The following GABRR3 variants were observed in gnomAD, a reference collection of about 807,000 sequenced individuals.
GABRR3 encodes the protein gamma-aminobutyric acid type A receptor subunit rho3.
GABRR3 carries 29 observed loss-of-function variants against 43.2 expected under a neutral mutation model. The ratio of observed to expected loss-of-function variants is 0.67; its 90% confidence interval spans 0.50 to 0.92. GABRR3 has a LOEUF of 0.92. Ranked by LOEUF, GABRR3 falls within the 40% of genes least tolerant of loss-of-function variation. The pLI is 0.00. For synonymous variants in GABRR3, 206 were observed against 195.9 expected (o/e 1.05, Z -0.43); for missense variants, 576 against 572.3 (o/e 1.01, Z -0.07).
At position 98,017,738 on chromosome 3, in the gene GABRR3, T is replaced by C; in HGVS notation, c.239-16A>G. On this transcript the variant is annotated splice_polypyrimidine_tract_variant and intron_variant, in intron 3 of 9. Coordinates refer to ENST00000621172, the Ensembl canonical transcript of GABRR3. ...ACTGGAGACCCTTAAGAAAGAAGAA[T>C]GGTTAATATGCTGAGGAATGCATTA... 1.3e-6 allele frequency: 2 copies of C among 1,564,058 alleles called. No homozygotes were observed. The highest frequency in any genetic ancestry group is 1.8e-6 in the Non-Finnish European group (2 of 1,137,526).
rs1267442026 is a variant in GABRR3, at chr3:98,012,324, C to A, written c.530+20G>T. 3 of 1,594,624 alleles carry A rather than the reference C, an allele frequency of 1.9e-6. No homozygotes were observed. The East Asian group carries it at 6.7e-5, about 36-fold the overall frequency. On this transcript the variant is annotated intron_variant, in intron 5 of 9. Transcript: ENST00000621172. ...GGCTGCAGTACAGGGAAGCCAAAGG[C>A]GATAGGCAGCTTTCCTTACCTGAGA... is the stretch of plus-strand genomic sequence containing the variant.
intron 8 of GABRR3, among the ~76,000 whole-genome samples, chr3:97,993,488 C>T (rs1020449464): frequency 1.3e-5 from 2 of 152,006 alleles, no homozygotes; most frequent in African/African-American, 2.4e-5. Context: ...TTCATGCTTC[C>T]GGGGAGCTTA....
At chr3:98,033,829 T>C (rs1707120621) in intron 2 of GABRR3, among the ~76,000 whole-genome samples, 2 of 152,262 alleles carry the variant, frequency 1.3e-5, no homozygotes, top group Admixed American at 6.5e-5. Flanking sequence ...AGCAGAAGCA[T>C]GGAAGGGAAG....
rs979910544 is a variant in GABRR3, at chr3:98,014,986, A to G, written c.307-2419T>C. Among the ~76,000 whole-genome samples, 6 of 152,230 alleles carry G rather than the reference A, an allele frequency of 3.9e-5. No homozygotes were observed. The East Asian group carries it at 1.2e-3, about 29-fold the overall frequency. On this transcript the variant is annotated intron_variant, in intron 4 of 9. Transcript: ENST00000621172. Reference sequence around the variant, plus strand: ...TACAGTTTATGTATCAACAATACTTATTCTAAAGCATATATAAAAACAACT... The same window carrying G: ...TACAGTTTATGTATCAACAATACTTGTTCTAAAGCATATATAAAAACAACT...
intron 4 of GABRR3, among the ~76,000 whole-genome samples, chr3:98,015,616 C>A (rs1488454772): frequency 2.6e-5 from 4 of 152,080 alleles, no homozygotes; most frequent in African/African-American, 9.7e-5. Flanking sequence ...TAGTAGGTAC[C>A]AGTTAGGGCC....
chr3:98,016,965 C>A (rs894706970), intron 4 of GABRR3, among the ~76,000 whole-genome samples: 1 of 151,970 alleles, frequency 6.6e-6, no homozygotes, highest in Non-Finnish European at 1.5e-5. Flanking sequence ...AACAGAAAAG[C>A]AAGGCATGCA....
chr3:98,012,223 A>T, intron 5 of GABRR3, 121 bp downstream of exon 5: 1 of 701,498 alleles, frequency 1.4e-6, no homozygotes. Context: ...CTTGTGTCCC[A>T]ATCTCCAGCA....
At chr3:98,032,619 T>C (rs1418636388) in intron 2 of GABRR3, among the ~76,000 whole-genome samples, 6 of 152,344 alleles carry the variant, frequency 3.9e-5, no homozygotes, top group Middle Eastern at 3.4e-3. Flanking sequence ...CCCTACTTTG[T>C]TTTTAGGAAA....
chr3:98,008,928 A>G (rs1196784018), intron 6 of GABRR3, 28 bp downstream of exon 6: 2 of 1,359,572 alleles, frequency 1.5e-6, no homozygotes, highest in Non-Finnish European at 2.1e-6. Flanking sequence ...AATGATGTGC[A>G]CTCACTCCAC....
At chr3:98,002,774 A>G (rs900659185) in intron 7 of GABRR3, among the ~76,000 whole-genome samples, 2 of 152,196 alleles carry the variant, frequency 1.3e-5, no homozygotes, top group Non-Finnish European at 2.9e-5. Flanking sequence ...TATTCAAAAC[A>G]CAGGGACTAT....
chr3:98,024,852 G>C (rs1706992051), intron 3 of GABRR3, among the ~76,000 whole-genome samples: 1 of 152,210 alleles, frequency 6.6e-6, no homozygotes, highest in Non-Finnish European at 1.5e-5. Context: ...TGATGCAACT[G>C]TGTGTACATT....
chr3:97,986,179 A>G (rs1706384711), downstream of GABRR3, among the ~76,000 whole-genome samples: 1 of 152,158 alleles, frequency 6.6e-6, no homozygotes, highest in Admixed American at 6.6e-5. Flanking sequence ...AACAATATTT[A>G]AATAAGAATA....
At chr3:98,033,772 TG>T (rs1707120195) in intron 2 of GABRR3, among the ~76,000 whole-genome samples, 1 of 152,146 alleles carries the variant, frequency 6.6e-6, no homozygotes, top group African/African-American at 2.4e-5. Context: ...ACTGGGAAAG[TG>T]GTTAAATGGA....
intron 7 of GABRR3, among the ~76,000 whole-genome samples, chr3:98,004,034 CAG>C (rs1224580278): frequency 6.6e-6 from 1 of 152,066 alleles, no homozygotes; most frequent in African/African-American, 2.4e-5. Flanking sequence ...GAGTTAATAA[CAG>C]AGAGAAAAAG....
intron 7 of GABRR3, 119 bp from the exon 8 acceptor site, chr3:98,001,886 C>T (rs1464890392): frequency 5.7e-6 from 6 of 1,045,170 alleles, no homozygotes; most frequent in Non-Finnish European, 8.4e-6. Context: ...TTGACAAACT[C>T]ATCTCCATTT....
chr3:98,033,311 G>T (rs1161302719), intron 2 of GABRR3, among the ~76,000 whole-genome samples: 1 of 152,174 alleles, frequency 6.6e-6, no homozygotes, highest in Non-Finnish European at 1.5e-5. Context: ...GCCCCACATG[G>T]CCGAAATCCT....
Position 98,001,665 on chromosome 3 carries a change from C to CTGGTG in GABRR3, c.856_857insCACCA (p.Trp286SerfsTer25), listed in dbSNP as rs1706644593. ...TCTTCGGTCAATCCAAAATGAAACC[C>CTGGTG]ATGAAAGCATCACCATCAATATGGC... On this transcript the variant is annotated frameshift_variant, in exon 8 of 10. Transcript: ENST00000621172. LOFTEE classifies it high-confidence loss of function. The CTGGTG allele has an allele frequency of 6.2e-7, 1 of 1,613,180 alleles. No homozygotes were observed. The highest frequency in any genetic ancestry group is 8.5e-7 in the Non-Finnish European group (1 of 1,179,472).
At chr3:98,018,831 C>T (rs865851259) in intron 3 of GABRR3, among the ~76,000 whole-genome samples, 5 of 151,958 alleles carry the variant, frequency 3.3e-5, no homozygotes, top group Non-Finnish European at 7.4e-5. Context: ...AGATTTAGGC[C>T]GGGCGTGGTG....
intron 8 of GABRR3, among the ~76,000 whole-genome samples, chr3:97,993,982 G>A (rs1037736577): frequency 1.3e-5 from 2 of 152,206 alleles, no homozygotes; most frequent in Non-Finnish European, 2.9e-5. Flanking sequence ...ATTTCTCAGA[G>A]GGATATTGCC....
Sources: allele counts gnomAD v4.1 joint callset (sites outside exome capture counted in the v4.1 genomes callset), GRCh38; gene constraint gnomAD v4.1.1; transcripts MANE v1.5; gene names NCBI Gene and HGNC (gene_info 2026-07-23, HGNC 2026-07-21).